Variants in TTC14 observed in about 807,000 individuals in gnomAD.
TTC14 encodes tetratricopeptide repeat domain 14.
Under a neutral mutation model 79.9 loss-of-function variants are expected in TTC14, and 63 were observed. That is an observed-to-expected ratio of 0.79 (90% confidence interval 0.64 to 0.97). The LOEUF (loss-of-function observed/expected upper bound fraction) is 0.97. Among genes scored for constraint, TTC14 ranks in the 50% least tolerant of loss-of-function variants. The pLI, the probability that TTC14 is intolerant of heterozygous loss-of-function variation, is 0.00. For synonymous variants in TTC14, 335 were observed against 309.6 expected (o/e 1.08, Z -0.86); for missense variants, 895 against 894.0 (o/e 1.00, Z -0.01).
downstream of TTC14, chr3:180,614,839 A>C: frequency 7.6e-7 from 1 of 1,309,936 alleles, no homozygotes; most frequent in Non-Finnish European, 1.0e-6. Context: ...TTTCCACTAG[A>C]TAAAATGTGT....
At chr3:180,617,348 TTACTA>T (rs1474592360) in intron 12 of TTC14, 1 of 528,530 alleles carries the variant, frequency 1.9e-6, no homozygotes, top group Non-Finnish European at 3.4e-6. Flanking sequence ...ATTTATGTAT[TTACTA>T]TACAATATAC....
Position 180,610,731 on chromosome 3 carries a change from T to G in TTC14, c.*189T>G. The G allele has an allele frequency of 7.7e-7, 1 of 1,297,252 alleles. No individual in the cohort carries two copies. Among genetic ancestry groups the G allele is most frequent in the Non-Finnish European group, 9.8e-7 (1 of 1,022,576 alleles). The allele number at this position is 1,297,252 out of a possible 1,614,324, so 80.4% of individuals were successfully genotyped here. A position where few individuals can be genotyped will look rare whatever the true frequency, so the allele number is the denominator to read the frequency against. On this transcript the variant is annotated 3_prime_UTR_variant, in exon 12 of 12. Transcript: ENST00000296015. The stretch of plus-strand genomic sequence containing the variant: ...TTCTAGGTCCCTTGTCACAGCTTGG[T>G]TTTTAGACTTTTTATGTATATGTTT...
chr3:180,606,063 T>G, intron 7 of TTC14, 190 bp from the exon 8 acceptor site: 10 of 858,138 alleles, frequency 1.2e-5, no homozygotes, highest in Non-Finnish European at 1.6e-5. Flanking sequence ...TATTGATATC[T>G]AGGTTTCACC....
chr3:180,603,154 A>G lies in TTC14; in HGVS notation c.317A>G (p.Gln106Arg). 2 of 1,614,046 alleles carry G rather than the reference A, an allele frequency of 1.2e-6. No individual in the cohort carries two copies. Among genetic ancestry groups the G allele is most frequent in the South Asian group, 1.1e-5 (1 of 91,076 alleles). Residue 106 changes from glutamine (Q) to arginine (R), a missense_variant, in exon 3 of 12, where the codon CAA becomes CGA. By Grantham distance (43) the Gln-to-Arg change is conservative. Coordinates refer to ENST00000296015, the MANE Select transcript of TTC14 (RefSeq NM_133462.4). ...DHYAIMPPLE[Q>R]FMEIPSMDRR... is the part of the protein sequence containing the mutation. ...TATGCAATCATGCCACCTTTAGAGCAATTCATGGAGATACCTAGTATGGAT... is the reference window on the plus strand; with the variant it reads ...TATGCAATCATGCCACCTTTAGAGCGATTCATGGAGATACCTAGTATGGAT...
downstream of TTC14, chr3:180,614,809 T>G: frequency 1.1e-6 from 1 of 928,194 alleles, no homozygotes; most frequent in East Asian, 2.8e-5. Flanking sequence ...GTTTTTACAC[T>G]TACCACTAAG....
chr3:180,615,572 T>C (rs1311935254), downstream of TTC14, among the ~76,000 whole-genome samples: 1 of 152,154 alleles, frequency 6.6e-6, no homozygotes, highest in Non-Finnish European at 1.5e-5. Context: ...AGTACAGGGA[T>C]GTTCAGTTAT....
intron 12 of TTC14, chr3:180,616,584 C>T: frequency 6.2e-7 from 1 of 1,601,250 alleles, no homozygotes; most frequent in Non-Finnish European, 8.5e-7. Context: ...ACTAACATTT[C>T]ATCAATAACT....
intron 11 of TTC14, chr3:180,609,019 G>A (rs2108396921): frequency 9.4e-7 from 1 of 1,063,448 alleles, no homozygotes; most frequent in East Asian, 5.1e-5. Flanking sequence ...CAAAAAAAGA[G>A]TATCTTAGAA....
At position 180,609,711 on chromosome 3, in the gene TTC14, T is replaced by G. The variant is rs1716883736; in HGVS notation, c.1482T>G (p.Ser494=). Reference sequence around the variant, plus strand: ...AATCAGTGTCTTCATCATCATCCTCTTCCTCTTCTGGTCACAAAAGGCATA... The same window carrying G: ...AATCAGTGTCTTCATCATCATCCTCGTCCTCTTCTGGTCACAAAAGGCATA... ...ADESVSSSSS[S]SSSGHKRHKK... is the part of the protein sequence containing the mutation. Residue 494 remains serine (S), a synonymous_variant, in exon 12 of 12, where the codon TCT becomes TCG. Transcript: ENST00000296015. 1 of 1,613,058 alleles carries G rather than the reference T, an allele frequency of 6.2e-7. No individual in the cohort carries two copies. The highest frequency in any genetic ancestry group is 2.2e-5 in the East Asian group (1 of 44,854).
intron 12 of TTC14, chr3:180,616,696 C>T: frequency 1.3e-6 from 2 of 1,585,274 alleles, no homozygotes; most frequent in Non-Finnish European, 1.7e-6. Context: ...GTTTTGCACA[C>T]TGTTGGTAAA....
At chr3:180,613,495 T>C (rs1297955305), downstream of TTC14, among the ~76,000 whole-genome samples, 2 of 152,198 alleles carry the variant, frequency 1.3e-5, no homozygotes, top group African/African-American at 2.4e-5. Flanking sequence ...GTAGAAGTTA[T>C]ATAGTGCAAT....
At chr3:180,608,212 C>T (rs2108396029) in intron 10 of TTC14, 7 of 990,768 alleles carry the variant, frequency 7.1e-6, no homozygotes, top group South Asian at 4.6e-5. Flanking sequence ...CATCCACAAA[C>T]TGGAAAATGA....
Position 180,602,164 on chromosome 3 carries a change from G to C in TTC14, c.-98G>C. 1.3e-6 allele frequency: 2 copies of C among 1,488,850 alleles called. No homozygotes were observed. Among genetic ancestry groups the C allele is most frequent in the Non-Finnish European group, 9.1e-7 (1 of 1,099,434 alleles). 92.2% of individuals were successfully genotyped at this position (1,488,850 alleles called of 1,614,324 possible). A position where few individuals can be genotyped will look rare whatever the true frequency, so the allele number is the denominator to read the frequency against. On this transcript the variant is annotated 5_prime_UTR_variant, in exon 1 of 12. Coordinates refer to ENST00000296015, the MANE Select transcript of TTC14 (RefSeq NM_133462.4). ...GTCTGTGTACTTCCGGCAGCCTCCA[G>C]ACAGTTTCTTCCGCTTCCTGTACCA...
At chr3:180,616,691 G>T (rs772704070) in intron 12 of TTC14, 3 of 1,585,712 alleles carry the variant, frequency 1.9e-6, no homozygotes, top group Non-Finnish European at 2.6e-6. Flanking sequence ...TGTGAGTTTT[G>T]CACACTGTTG....
chr3:180,612,652 G>A (rs1717074011), downstream of TTC14, among the ~76,000 whole-genome samples: 1 of 151,214 alleles, frequency 6.6e-6, no homozygotes. Context: ...CGGGAGGATC[G>A]CTTGAGCCCA....
chr3:180,616,312 T>C (rs1249130179), intron 12 of TTC14: 2 of 1,613,436 alleles, frequency 1.2e-6, no homozygotes, highest in East Asian at 2.2e-5. Context: ...GAAGGAGATC[T>C]AGAGCTCTGA....
chr3:180,611,602 CTT>C (rs938981938), downstream of TTC14, among the ~76,000 whole-genome samples: 8 of 152,134 alleles, frequency 5.3e-5, no homozygotes, highest in African/African-American at 1.9e-4. Context: ...AACAAAGAGA[CTT>C]GGATTATAAA....
At chr3:180,612,517 C>T (rs1717067902), downstream of TTC14, among the ~76,000 whole-genome samples, 1 of 152,164 alleles carries the variant, frequency 6.6e-6, no homozygotes, top group Non-Finnish European at 1.5e-5. Flanking sequence ...CCTGTAATCC[C>T]AGCACTTGAG....
At chr3:180,603,535 C>A in intron 3 of TTC14, 1 of 542,726 alleles carries the variant, frequency 1.8e-6, no homozygotes, top group Non-Finnish European at 3.3e-6. Flanking sequence ...TAAATTTAAA[C>A]TGGTTGGCAG....
Sources: gnomAD v4.1 joint callset for allele counts (sites outside exome capture counted in the v4.1 genomes callset) on GRCh38, gnomAD v4.1.1 for gene constraint, MANE v1.5 for transcripts, NCBI Gene and HGNC (gene_info 2026-07-23, HGNC 2026-07-21) for gene names.